The following ZNF804B variants were observed in gnomAD, a reference collection of about 807,000 sequenced individuals.
The protein encoded by ZNF804B is zinc finger protein 804B.
In ZNF804B, 80 loss-of-function variants were observed where a neutral mutation model predicts 101.4. The observed-to-expected ratio is 0.79, with a 90% CI of 0.66 to 0.95. The LOEUF (loss-of-function observed/expected upper bound fraction) is 0.95, where lower values mean the gene tolerates loss of function less well. Ranked by LOEUF, ZNF804B falls within the 40% of genes least tolerant of loss-of-function variation. The probability of loss-of-function intolerance (pLI) is 0.00; values close to 1 mark genes in which losing one functional copy is unlikely to be tolerated. For synonymous variants in ZNF804B, 622 were observed against 558.8 expected (o/e 1.11, Z -1.59); for missense variants, 1,673 against 1,561.9 (o/e 1.07, Z -1.20).
At chr7:89,100,947 T>A (rs1790045592) in intron 1 of ZNF804B, among the ~76,000 whole-genome samples, 1 of 152,210 alleles carries the variant, frequency 6.6e-6, no homozygotes, top group East Asian at 1.9e-4. Flanking sequence ...TGTGTGTATG[T>A]GTATATACAC....
At chr7:89,313,025 A>T (rs926980976) in intron 2 of ZNF804B, among the ~76,000 whole-genome samples, 3 of 152,194 alleles carry the variant, frequency 2.0e-5, no homozygotes, top group Non-Finnish European at 4.4e-5. Context: ...TTTGATAAAA[A>T]CACTTTCTAA....
At chr7:88,954,363 A>C (rs1793270225) in intron 1 of ZNF804B, among the ~76,000 whole-genome samples, 1 of 151,726 alleles carries the variant, frequency 6.6e-6, no homozygotes, top group Non-Finnish European at 1.5e-5. Flanking sequence ...AAAATAATTG[A>C]GGGTAACCGA....
At chr7:88,859,682 T>C (rs2115853032) in intron 1 of ZNF804B, among the ~76,000 whole-genome samples, 1 of 152,066 alleles carries the variant, frequency 6.6e-6, no homozygotes, top group South Asian at 2.1e-4. Context: ...ATGCTTTCCA[T>C]AGCAATTATG....
chr7:88,799,458 T>C (rs1358142321), intron 1 of ZNF804B, among the ~76,000 whole-genome samples: 1 of 152,086 alleles, frequency 6.6e-6, no homozygotes, highest in Non-Finnish European at 1.5e-5. Context: ...AGGTAAATTA[T>C]CTCCTATTTC....
At chr7:89,156,019 C>CCTTT (rs58720640) in intron 1 of ZNF804B, among the ~76,000 whole-genome samples, 10,729 of 121,472 alleles carry the variant, frequency 0.088, 546 homozygotes, top group East Asian at 0.19. Flanking sequence ...TTCTCTCTTT[C>CCTTT]CTTTCTTTCT....
intron 2 of ZNF804B, among the ~76,000 whole-genome samples, chr7:89,314,563 T>A (rs926650012): frequency 6.6e-6 from 1 of 152,184 alleles, no homozygotes; most frequent in African/African-American, 2.4e-5. Context: ...AATTCATACA[T>A]ACTGAGCATT....
chr7:89,084,108 A>G (rs1278165387), intron 1 of ZNF804B, among the ~76,000 whole-genome samples: 2 of 151,948 alleles, frequency 1.3e-5, no homozygotes, highest in Non-Finnish European at 1.5e-5. Flanking sequence ...ATCTGGGTGG[A>G]CACACAAAGA....
In ZNF804B at chr7:88,926,432, C is replaced by CAAAAA. The variant is rs34926325; in HGVS notation, c.108+166358_108+166362dup. ...CGAAACCCCATGTCTATTAAAAATA[C>CAAAAA]AAAAAAAAAAAAAATAGCCGGGCGT... On this transcript the variant is annotated intron_variant, in intron 1 of 3. Transcript: ENST00000333190. 1.8e-3 allele frequency among the ~76,000 whole-genome samples: 238 copies of CAAAAA among 135,014 alleles called. 1 individual carries two copies. The highest frequency in any genetic ancestry group is 6.2e-3 in the African/African-American group (228 of 36,790). 88.6% of individuals were successfully genotyped at this position (135,014 alleles called of 152,430 possible).
intron 1 of ZNF804B, among the ~76,000 whole-genome samples, chr7:89,155,784 C>G (rs987244988): frequency 1.3e-5 from 2 of 152,144 alleles, no homozygotes; most frequent in Admixed American, 1.3e-4. Context: ...TCTAGAATGC[C>G]TTCCTCTCAA....
At chr7:89,079,762 C>A (rs980314123) in intron 1 of ZNF804B, among the ~76,000 whole-genome samples, 3 of 151,888 alleles carry the variant, frequency 2.0e-5, no homozygotes, top group South Asian at 2.1e-4. Context: ...GTGACTTTTG[C>A]GTAAACATGA....
intron 1 of ZNF804B, among the ~76,000 whole-genome samples, chr7:88,780,507 A>G (rs12670955): frequency 0.053 from 7,829 of 148,684 alleles, 399 homozygotes; most frequent in East Asian, 0.28. Flanking sequence ...CTCCCACCTG[A>G]GCCTCCTGAG....
At chr7:89,279,228 T>G (rs1167891946) in intron 2 of ZNF804B, among the ~76,000 whole-genome samples, 3 of 152,104 alleles carry the variant, frequency 2.0e-5, no homozygotes, top group South Asian at 4.1e-4. Context: ...CTGAAGTTGC[T>G]TATCAGCTTA....
intron 1 of ZNF804B, among the ~76,000 whole-genome samples, chr7:88,866,911 A>G (rs187413869): frequency 4.0e-4 from 61 of 152,350 alleles, no homozygotes; most frequent in Non-Finnish European, 1.8e-4. Context: ...ATTACAGTCA[A>G]GCCTGATCAT....
chr7:89,180,873 AT>A (rs940019979), intron 1 of ZNF804B, among the ~76,000 whole-genome samples: 10 of 147,346 alleles, frequency 6.8e-5, no homozygotes, highest in African/African-American at 2.5e-4. Flanking sequence ...TTTTGTGTTT[AT>A]TTAGGACACC....
At chr7:89,026,959 C>G (rs2116224941) in intron 1 of ZNF804B, among the ~76,000 whole-genome samples, 1 of 151,970 alleles carries the variant, frequency 6.6e-6, no homozygotes. Flanking sequence ...TAACAATATC[C>G]AAGGATAATT....
At chr7:89,124,604 G>A (rs1332529187) in intron 1 of ZNF804B, among the ~76,000 whole-genome samples, 3 of 152,140 alleles carry the variant, frequency 2.0e-5, no homozygotes, top group East Asian at 1.9e-4. Context: ...TTAGTGAGAA[G>A]AAGTAATTCG....
At chr7:88,887,144 T>C (rs1792139505) in intron 1 of ZNF804B, among the ~76,000 whole-genome samples, 1 of 152,168 alleles carries the variant, frequency 6.6e-6, no homozygotes, top group African/African-American at 2.4e-5. Context: ...CTCTTCCCTG[T>C]AATAGGCAGC....
chr7:89,156,915 A>T (rs867252969), intron 1 of ZNF804B, among the ~76,000 whole-genome samples: 1 of 152,128 alleles, frequency 6.6e-6, no homozygotes, highest in Non-Finnish European at 1.5e-5. Flanking sequence ...AAAGATTCGG[A>T]ACTTGATAAC....
intron 1 of ZNF804B, among the ~76,000 whole-genome samples, chr7:89,205,902 C>A (rs1264501759): frequency 6.6e-6 from 1 of 152,194 alleles, no homozygotes; most frequent in Non-Finnish European, 1.5e-5. Flanking sequence ...AGAGGTTCTC[C>A]ACAAGGCCCC....
Sources: allele counts gnomAD v4.1 joint callset (sites outside exome capture counted in the v4.1 genomes callset), GRCh38; gene constraint gnomAD v4.1.1; transcripts MANE v1.5; gene names NCBI Gene and HGNC (gene_info 2026-07-23, HGNC 2026-07-21).